Variants in TXNRD1 observed in about 807,000 individuals in gnomAD.
TXNRD1 encodes the protein thioredoxin reductase 1.
TXNRD1 carries 57 observed loss-of-function variants against 80.3 expected under a neutral mutation model. The ratio of observed to expected loss-of-function variants is 0.71; its 90% CI spans 0.57 to 0.89. The LOEUF (loss-of-function observed/expected upper bound fraction) is 0.89, where lower values mean the gene tolerates loss of function less well. TXNRD1 is among the 40% of genes least tolerant of loss of function. The pLI is 0.00. For synonymous variants in TXNRD1, 291 were observed against 285.2 expected, an observed-to-expected ratio of 1.02 and a Z score of -0.20; for missense variants, 730 against 803.0, an observed-to-expected ratio of 0.91 and a Z score of 1.10.
At chr12:104,262,030 G>A (rs977256234) in intron 3 of TXNRD1, among the ~76,000 whole-genome samples, 5 of 150,194 alleles carry the variant, frequency 3.3e-5, no homozygotes, top group Middle Eastern at 3.4e-3. Context: ...TTACAGGCGC[G>A]AGACCAGCTT....
In TXNRD1 at chr12:104,292,595, ATGTT is replaced by A. The variant is rs1398917553; in HGVS notation, c.414+3556_414+3559del. Among the ~76,000 whole-genome samples, 1,278 of 152,120 alleles carry A rather than the reference ATGTT, an allele frequency of 8.4e-3. 19 individuals carry two copies. The highest frequency in any genetic ancestry group is 0.029 in the African/African-American group (1,187 of 41,478). On this transcript the variant is annotated intron_variant, in intron 4 of 16. Transcript: ENST00000525566. ...TTTTTAGTAGAGATGTGGTTTTGCC[ATGTT>A]GGTCGGGCTGGTCTCGATCTCCTGA...
At position 104,316,086 on chromosome 12, in the gene TXNRD1, A is replaced by G. The variant is rs7958103; in HGVS notation, c.730+190A>G. 0.07 allele frequency among the ~76,000 whole-genome samples: 10,729 copies of G among 152,280 alleles called. 641 individuals carry two copies. Among genetic ancestry groups the G allele is most frequent in the African/African-American group, 0.16 (6,477 of 41,540 alleles). Reference sequence around the variant, plus strand: ...TACATAGTTGTTATGGTAACAACAGATACTGCATTTGGACTATGGTATTTC... The same window carrying G: ...TACATAGTTGTTATGGTAACAACAGGTACTGCATTTGGACTATGGTATTTC... On this transcript the variant is annotated intron_variant, in intron 7 of 16. Coordinates refer to ENST00000525566, the MANE Select transcript of TXNRD1 (RefSeq NM_001093771.3).
At chr12:104,319,641 AT>A in intron 9 of TXNRD1, 56 bp downstream of exon 9, 3 of 1,310,958 alleles carry the variant, frequency 2.3e-6, no homozygotes, top group Non-Finnish European at 3.2e-6. Context: ...TTGCTTTCGC[AT>A]TTTTCTTCAA....
At chr12:104,271,743 G>T (rs2033656397) in intron 3 of TXNRD1, among the ~76,000 whole-genome samples, 1 of 152,022 alleles carries the variant, frequency 6.6e-6, no homozygotes, top group African/African-American at 2.4e-5. Context: ...ATGTATACGT[G>T]CAGGTCACAG....
intron 3 of TXNRD1, among the ~76,000 whole-genome samples, chr12:104,271,145 G>A (rs996180340): frequency 1.3e-5 from 2 of 151,558 alleles, no homozygotes; most frequent in Non-Finnish European, 2.9e-5. Flanking sequence ...TCAGAAAAGA[G>A]AGTCAGCAAA....
intron 1 of TXNRD1, among the ~76,000 whole-genome samples, chr12:104,245,949 C>G (rs1565860174): frequency 7.1e-6 from 1 of 141,070 alleles, no homozygotes; most frequent in Non-Finnish European, 1.5e-5. Context: ...CTCTACTAAA[C>G]AAAATACAAA....
At position 104,334,284 on chromosome 12, in the gene TXNRD1, A is replaced by G; in HGVS notation, c.1698A>G (p.Arg566=). 1 of 1,540,286 alleles carries G rather than the reference A, an allele frequency of 6.5e-7. No individual in the cohort carries two copies. The highest frequency in any genetic ancestry group is 8.8e-7 in the Non-Finnish European group (1 of 1,140,428). The change falls in exon 15 of 17, where the codon AGA becomes AGG. Residue 566 remains arginine (R), a synonymous_variant. Transcript: ENST00000525566. ...FWPLEWTIPS[R]DNNKCYAKII... ...CATTGGAATGGACGATTCCGTCAAG[A>G]GATAACAACAAATGTTATGCAAAAA...
At chr12:104,241,852 T>G (rs1345183702) in intron 1 of TXNRD1, among the ~76,000 whole-genome samples, 1 of 151,956 alleles carries the variant, frequency 6.6e-6, no homozygotes, top group African/African-American at 2.4e-5. Context: ...TCTGATTTCT[T>G]AAGTCAGTTT....
chr12:104,348,493 T>C lies in TXNRD1; in HGVS notation c.*72T>C. ...TTCCGTGCCCAAATCCAAGGCGAAG[T>C]TTTCTAGAGGGTTCTTGGGCTCTTG... On this transcript the variant is annotated 3_prime_UTR_variant, in exon 17 of 17. Transcript: ENST00000525566. 1 of 1,496,544 alleles carries C rather than the reference T, an allele frequency of 6.7e-7. No individual in the cohort carries two copies. Among genetic ancestry groups the C allele is most frequent in the Non-Finnish European group, 9.3e-7 (1 of 1,075,656 alleles). The allele number at this position is 1,496,544 out of a possible 1,614,324, so 92.7% of individuals were successfully genotyped here. A position where few individuals can be genotyped will look rare whatever the true frequency, so the allele number is the denominator to read the frequency against.
chr12:104,291,046 C>A, intron 4 of TXNRD1: 4 of 686,190 alleles, frequency 5.8e-6, no homozygotes, highest in Non-Finnish European at 1.1e-5. Flanking sequence ...TGGGCTCAAG[C>A]GATCATCCGG....
At chr12:104,318,284 C>G (rs1488631214) in intron 7 of TXNRD1, among the ~76,000 whole-genome samples, 1 of 152,154 alleles carries the variant, frequency 6.6e-6, no homozygotes. Flanking sequence ...TGTGATAAGA[C>G]TCTTAAAATC....
intron 4 of TXNRD1, among the ~76,000 whole-genome samples, chr12:104,299,105 C>A (rs1426832805): frequency 6.6e-6 from 1 of 152,150 alleles, no homozygotes; most frequent in African/African-American, 2.4e-5. Context: ...GTATTTATTT[C>A]TTTATTTCTC....
At chr12:104,238,338 A>C (rs1223766899) in intron 1 of TXNRD1, among the ~76,000 whole-genome samples, 4 of 152,256 alleles carry the variant, frequency 2.6e-5, no homozygotes. Context: ...TATGGGACTC[A>C]TAAAGAACTG....
intron 15 of TXNRD1, among the ~76,000 whole-genome samples, chr12:104,337,674 T>A (rs1310441966): frequency 3.3e-5 from 5 of 151,898 alleles, no homozygotes; most frequent in Non-Finnish European, 7.4e-5. Flanking sequence ...CTAGACAACA[T>A]GGCAAAACCC....
chr12:104,278,138 A>G (rs1190409664), intron 3 of TXNRD1, among the ~76,000 whole-genome samples: 1 of 150,456 alleles, frequency 6.6e-6, no homozygotes, highest in Non-Finnish European at 1.5e-5. Context: ...CAGCCTCCCA[A>G]AGTGCTGGGA....
At chr12:104,296,572 C>T (rs1259197063) in intron 4 of TXNRD1, among the ~76,000 whole-genome samples, 1 of 152,142 alleles carries the variant, frequency 6.6e-6, no homozygotes, top group African/African-American at 2.4e-5. Context: ...CCACACCTGG[C>T]CAATTTTTAA....
chr12:104,309,994 AC>A (rs1210500797), intron 4 of TXNRD1: 1 of 1,535,426 alleles, frequency 6.5e-7, no homozygotes, highest in African/African-American at 1.4e-5. Flanking sequence ...GCTCCACCGC[AC>A]CCCCTTCCAC....
chr12:104,247,621 TC>T (rs2033022051), intron 1 of TXNRD1, among the ~76,000 whole-genome samples: 1 of 152,266 alleles, frequency 6.6e-6, no homozygotes, highest in African/African-American at 2.4e-5. Flanking sequence ...TATTTATCTT[TC>T]CATCTATTTG....
At chr12:104,252,981 C>T (rs903540618) in intron 2 of TXNRD1, among the ~76,000 whole-genome samples, 12 of 151,792 alleles carry the variant, frequency 7.9e-5, no homozygotes, top group African/African-American at 2.4e-4. Flanking sequence ...GGATTACAGG[C>T]GTGAGCCACC....
Sources: gnomAD v4.1 joint callset for allele counts (sites outside exome capture counted in the v4.1 genomes callset) on GRCh38, gnomAD v4.1.1 for gene constraint, MANE v1.5 for transcripts, NCBI Gene and HGNC (gene_info 2026-07-23, HGNC 2026-07-21) for gene names.